Variants in KLHL32 observed in about 807,000 individuals in gnomAD.
KLHL32 encodes the protein kelch like family member 32, also known as kelch-like protein 32.
KLHL32 carries 35 observed loss-of-function variants against 64.8 expected under a neutral mutation model. The ratio of observed to expected loss-of-function variants is 0.54; its 90% CI spans 0.41 to 0.72. The LOEUF is 0.72. Among genes scored for constraint, KLHL32 ranks in the 30% least tolerant of loss-of-function variants. The pLI is 0.00. For synonymous variants in KLHL32, 259 were observed against 281.0 expected, an observed-to-expected ratio of 0.92 and a Z score of 0.78; for missense variants, 589 against 768.5, an observed-to-expected ratio of 0.77 and a Z score of 2.76.
intron 3 of KLHL32, among the ~76,000 whole-genome samples, chr6:97,031,450 C>G (rs1169965636): frequency 6.6e-6 from 1 of 151,956 alleles, no homozygotes; most frequent in Non-Finnish European, 1.5e-5. Context: ...ATCCTCCTGC[C>G]TCACCGTCTT....
At chr6:97,038,270 C>T (rs1784586641) in intron 3 of KLHL32, among the ~76,000 whole-genome samples, 2 of 151,548 alleles carry the variant, frequency 1.3e-5, no homozygotes, top group South Asian at 4.2e-4. Flanking sequence ...TGTAAACTAC[C>T]ATCTGACAAG....
At chr6:97,014,023 T>C (rs1326956889) in intron 3 of KLHL32, among the ~76,000 whole-genome samples, 2 of 152,142 alleles carry the variant, frequency 1.3e-5, no homozygotes, top group Non-Finnish European at 1.5e-5. Context: ...TGTTTCTTTT[T>C]TGGCCGGGCG....
Position 97,139,734 on chromosome 6 carries a change from T to G in KLHL32, c.*452T>G, listed in dbSNP as rs116313221. 2.0e-5 allele frequency: 3 copies of G among 152,966 alleles called. No individual in the cohort carries two copies. The highest frequency in any genetic ancestry group is 3.8e-4 in the East Asian group (2 of 5,208). 9.5% of individuals were successfully genotyped at this position (152,966 alleles called of 1,614,324 possible). A position where few individuals can be genotyped will look rare whatever the true frequency, so the allele number is the denominator to read the frequency against. ...TTTAAAATTTAACATTATGCAGCCC[T>G]GCTCAGTAGAGACTCACTCAGCATT... is the stretch of plus-strand genomic sequence containing the variant. On this transcript the variant is annotated 3_prime_UTR_variant, in exon 11 of 11. Coordinates refer to ENST00000369261, the MANE Select transcript of KLHL32 (RefSeq NM_052904.4).
the KLHL32 span, among the ~76,000 whole-genome samples, chr6:96,908,427 A>T: frequency 6.6e-6 from 1 of 152,212 alleles, no homozygotes; most frequent in Non-Finnish European, 1.5e-5. Context: ...ACACATAAAA[A>T]ATGTCACATG....
intron 1 of KLHL32, among the ~76,000 whole-genome samples, chr6:96,960,316 G>A (rs554751159): frequency 3.3e-5 from 5 of 152,032 alleles, no homozygotes; most frequent in Admixed American, 6.5e-5. Flanking sequence ...CTCGTTTACC[G>A]TACTTTTCCT....
intron 1 of KLHL32, among the ~76,000 whole-genome samples, chr6:96,925,451 T>G (rs1476926529): frequency 6.6e-6 from 1 of 152,238 alleles, no homozygotes; most frequent in Non-Finnish European, 1.5e-5. Context: ...AAGCCGTAAT[T>G]GCACTATATG....
chr6:97,006,997 C>T (rs996414800), intron 3 of KLHL32, among the ~76,000 whole-genome samples: 14 of 152,226 alleles, frequency 9.2e-5, no homozygotes, highest in African/African-American at 3.1e-4. Flanking sequence ...TAGTGTCTCA[C>T]AGGGGTTCTC....
intron 3 of KLHL32, among the ~76,000 whole-genome samples, chr6:97,017,463 G>T (rs1392674383): frequency 6.6e-6 from 1 of 152,218 alleles, no homozygotes; most frequent in Non-Finnish European, 1.5e-5. Context: ...GAGAGGGACT[G>T]ATGGAACAGA....
Position 97,139,416 on chromosome 6 carries a change from G to T in KLHL32, c.*134G>T. On this transcript the variant is annotated 3_prime_UTR_variant, in exon 11 of 11. Coordinates refer to ENST00000369261, the MANE Select transcript of KLHL32 (RefSeq NM_052904.4). ...ATTCGGATAAATTTAAGCAAAAAAT[G>T]AACAATTTTCTAAAATACGTTATTG... The T allele has an allele frequency of 3.9e-6, 3 of 769,344 alleles. No homozygotes were observed. The highest frequency in any genetic ancestry group is 3.1e-5 in the Admixed American group (1 of 32,228). The allele number at this position is 769,344 out of a possible 1,614,324, so 47.7% of individuals were successfully genotyped here. A position where few individuals can be genotyped will look rare whatever the true frequency, so the allele number is the denominator to read the frequency against.
intron 10 of KLHL32, among the ~76,000 whole-genome samples, chr6:97,135,651 A>C (rs1227932179): frequency 6.6e-6 from 1 of 152,200 alleles, no homozygotes; most frequent in African/African-American, 2.4e-5. Flanking sequence ...CCCTATAAGC[A>C]TATGGATTAT....
At chr6:96,944,279 C>T (rs771417024) in intron 1 of KLHL32, among the ~76,000 whole-genome samples, 10 of 152,118 alleles carry the variant, frequency 6.6e-5, no homozygotes, top group Admixed American at 2.0e-4. Context: ...TCTAAAAGAG[C>T]CTAGGCAAGA....
chr6:96,961,300 A>G (rs992591865), intron 1 of KLHL32, among the ~76,000 whole-genome samples: 3 of 152,174 alleles, frequency 2.0e-5, no homozygotes, highest in Non-Finnish European at 4.4e-5. Flanking sequence ...AGTAGAAGAA[A>G]AAGGTCAGAG....
rs111812913 is a variant in KLHL32 at position 96,937,010 on chromosome 6, A to G, written c.-66+11984A>G. On this transcript the variant is annotated intron_variant, in intron 1 of 10. Transcript: ENST00000369261. ...CACCACCCCAACCCCTTCACTCTCA[A>G]TTCATCTTACCCTGTATTTTTTTCC... Among the ~76,000 whole-genome samples, 289 of 152,050 alleles carry G rather than the reference A, an allele frequency of 1.9e-3. 2 individuals carry two copies. Among genetic ancestry groups the G allele is most frequent in the African/African-American group, 6.8e-3 (281 of 41,476 alleles).
At chr6:97,110,506 G>C (rs1392188397) in intron 6 of KLHL32, among the ~76,000 whole-genome samples, 1 of 152,182 alleles carries the variant, frequency 6.6e-6, no homozygotes, top group Admixed American at 6.5e-5. Context: ...CAGAAACTCT[G>C]AATGTCTGAA....
At chr6:96,993,691 C>A (rs994421186) in intron 3 of KLHL32, among the ~76,000 whole-genome samples, 18 of 152,110 alleles carry the variant, frequency 1.2e-4, no homozygotes, top group African/African-American at 4.3e-4. Context: ...GGCTACCACA[C>A]TGTTATAGAT....
chr6:96,961,483 T>A (rs1208411116), intron 1 of KLHL32, among the ~76,000 whole-genome samples: 63 of 152,234 alleles, frequency 4.1e-4, no homozygotes, highest in Admixed American at 4.1e-3. Flanking sequence ...ACTTTTTTCC[T>A]ACCCCTTTTG....
In KLHL32 at chr6:97,130,741, A is replaced by G; in HGVS notation, c.1414-16A>G. On this transcript the variant is annotated splice_polypyrimidine_tract_variant and intron_variant, in intron 8 of 10. Coordinates refer to ENST00000369261, the MANE Select transcript of KLHL32 (RefSeq NM_052904.4). ...GGTCTCCTACTAACAGAATACACTT[A>G]AATTTCTTTTTTCAGAATAAGTGGA... 1 of 1,596,220 alleles carries G rather than the reference A, an allele frequency of 6.3e-7. No homozygotes were observed. The highest frequency in any genetic ancestry group is 1.3e-5 in the African/African-American group (1 of 74,272).
intron 1 of KLHL32, among the ~76,000 whole-genome samples, chr6:96,954,282 G>GA (rs1310910068): frequency 2.0e-5 from 3 of 146,586 alleles, no homozygotes; most frequent in Non-Finnish European, 4.5e-5. Flanking sequence ...GACTACAGTG[G>GA]AAAAAATTGT....
At chr6:97,004,519 T>A (rs1470184427) in intron 3 of KLHL32, among the ~76,000 whole-genome samples, 1 of 152,190 alleles carries the variant, frequency 6.6e-6, no homozygotes, top group Non-Finnish European at 1.5e-5. Context: ...CTGTGTTGAA[T>A]AGGAGTGGTG....
Sources: allele counts gnomAD v4.1 joint callset (sites outside exome capture counted in the v4.1 genomes callset), GRCh38; gene constraint gnomAD v4.1.1; transcripts MANE v1.5; gene names NCBI Gene and HGNC (gene_info 2026-07-23, HGNC 2026-07-21).